ROBO1: variants seen among roughly 807,000 people sequenced by gnomAD.
ROBO1 encodes the protein roundabout guidance receptor 1.
A neutral mutation model predicts 195.9 loss-of-function variants in ROBO1; 149 were observed. That is an observed-to-expected ratio of 0.76 (90% CI 0.67 to 0.87). The LOEUF is 0.87. ROBO1 is among the 40% of genes least tolerant of loss of function. ROBO1 has a pLI of 0.00. For missense variants in ROBO1, 1,933 were observed against 2,068.3 expected (o/e 0.93, Z 1.27); for synonymous variants, 816 against 733.2 (o/e 1.11, Z -1.82).
At chr3:78,602,397 G>A (rs1030207435) in intron 29 of ROBO1, among the ~76,000 whole-genome samples, 7 of 152,138 alleles carry the variant, frequency 4.6e-5, no homozygotes, top group African/African-American at 1.7e-4. Context: ...CCAAGCGGAT[G>A]TCAACACCAT....
intron 1 of ROBO1, among the ~76,000 whole-genome samples, chr3:79,738,343 A>G (rs988382439): frequency 6.6e-6 from 1 of 152,182 alleles, no homozygotes; most frequent in Non-Finnish European, 1.5e-5. Context: ...CCAAAATAAA[A>G]TCTGAATTTT....
At chr3:79,602,477 A>C (rs1402420883) in intron 1 of ROBO1, among the ~76,000 whole-genome samples, 2 of 151,912 alleles carry the variant, frequency 1.3e-5, no homozygotes, top group Admixed American at 6.6e-5. Flanking sequence ...GGAGGATTCA[A>C]TTTTCAAAGA....
chr3:79,280,072 G>A (rs2031388340), intron 2 of ROBO1, among the ~76,000 whole-genome samples: 1 of 152,168 alleles, frequency 6.6e-6, no homozygotes, highest in African/African-American at 2.4e-5. Flanking sequence ...TATTGTAGAA[G>A]AGAGGATACC....
chr3:78,638,878 A>G (rs1705727614), intron 22 of ROBO1, among the ~76,000 whole-genome samples: 1 of 152,058 alleles, frequency 6.6e-6, no homozygotes, highest in African/African-American at 2.4e-5. Context: ...ATCTCAAAAA[A>G]CAACAAACAA....
At chr3:79,753,720 G>A (rs1273816566) in intron 1 of ROBO1, among the ~76,000 whole-genome samples, 1 of 152,114 alleles carries the variant, frequency 6.6e-6, no homozygotes, top group African/African-American at 2.4e-5. Context: ...GTAGAACCTG[G>A]GGAATACACA....
intron 2 of ROBO1, among the ~76,000 whole-genome samples, chr3:79,168,666 G>T (rs1006459640): frequency 2.6e-5 from 4 of 152,018 alleles, no homozygotes; most frequent in African/African-American, 7.3e-5. Flanking sequence ...AATATCTCTA[G>T]TCACTTCAAC....
At chr3:78,809,979 A>T (rs1271566817) in intron 4 of ROBO1, among the ~76,000 whole-genome samples, 2 of 141,534 alleles carry the variant, frequency 1.4e-5, no homozygotes, top group East Asian at 2.2e-4. Flanking sequence ...CCAGAACTTA[A>T]AGTATAGTAA....
chr3:79,490,084 G>A (rs561014650), intron 2 of ROBO1, among the ~76,000 whole-genome samples: 2 of 152,208 alleles, frequency 1.3e-5, no homozygotes, highest in Admixed American at 1.3e-4. Context: ...GTTATTTGTT[G>A]TCATATAAAT....
chr3:79,394,888 T>G (rs2037083414), intron 2 of ROBO1, among the ~76,000 whole-genome samples: 1 of 152,228 alleles, frequency 6.6e-6, no homozygotes, highest in Non-Finnish European at 1.5e-5. Context: ...ACAAATTCTA[T>G]TTTATTAGGG....
intron 2 of ROBO1, among the ~76,000 whole-genome samples, chr3:79,250,922 G>C (rs1317688927): frequency 1.3e-5 from 2 of 152,076 alleles, no homozygotes; most frequent in Non-Finnish European, 2.9e-5. Flanking sequence ...AGCTGTGGTG[G>C]CTCAAGCCTG....
chr3:78,988,691 A>G (rs1479803568), intron 3 of ROBO1, among the ~76,000 whole-genome samples: 2 of 152,182 alleles, frequency 1.3e-5, no homozygotes, highest in Admixed American at 6.5e-5. Context: ...TTGTTTTGTA[A>G]TTGTTACAAG....
intron 1 of ROBO1, among the ~76,000 whole-genome samples, chr3:79,694,468 G>C (rs906052938): frequency 3.3e-5 from 5 of 149,980 alleles, no homozygotes; most frequent in African/African-American, 5.0e-5. Context: ...CTCCACCTCA[G>C]TTTTTCTGTT....
chr3:79,383,037 T>C (rs914228630), intron 2 of ROBO1, among the ~76,000 whole-genome samples: 4 of 152,064 alleles, frequency 2.6e-5, no homozygotes, highest in African/African-American at 9.7e-5. Flanking sequence ...ATGATTCACA[T>C]TGAAAAAGAA....
intron 3 of ROBO1, among the ~76,000 whole-genome samples, chr3:78,956,518 A>G (rs960790038): frequency 5.3e-5 from 8 of 152,220 alleles, no homozygotes; most frequent in Non-Finnish European, 1.0e-4. Flanking sequence ...ATAATTAACC[A>G]TAACTGAAAT....
At chr3:79,615,375 C>G (rs80067820) in intron 1 of ROBO1, among the ~76,000 whole-genome samples, 131 of 152,248 alleles carry the variant, frequency 8.6e-4, no homozygotes, top group African/African-American at 3.0e-3. Context: ...TGAACCAATG[C>G]ACAACGTACA....
intron 1 of ROBO1, among the ~76,000 whole-genome samples, chr3:79,691,206 T>A (rs546748933): frequency 2.0e-5 from 3 of 151,814 alleles, no homozygotes; most frequent in Non-Finnish European, 2.9e-5. Flanking sequence ...AGCAGTGACA[T>A]TTCTAATGCC....
intron 4 of ROBO1, among the ~76,000 whole-genome samples, chr3:78,754,213 T>A (rs2082870587): frequency 6.6e-6 from 1 of 152,172 alleles, no homozygotes; most frequent in Non-Finnish European, 1.5e-5. Flanking sequence ...AGTATTGCTA[T>A]TAGTCACTAT....
At chr3:78,756,135 G>T (rs896654660) in intron 4 of ROBO1, among the ~76,000 whole-genome samples, 1 of 151,936 alleles carries the variant, frequency 6.6e-6, no homozygotes, top group African/African-American at 2.4e-5. Context: ...ATACAGACAC[G>T]TGACATACAT....
intron 4 of ROBO1, among the ~76,000 whole-genome samples, chr3:78,890,630 T>C (rs575752106): frequency 1.3e-5 from 2 of 152,362 alleles, no homozygotes; most frequent in East Asian, 3.9e-4. Flanking sequence ...AGACATACTT[T>C]GAACTTACTT....
Sources: allele counts gnomAD v4.1 joint callset (sites outside exome capture counted in the v4.1 genomes callset), GRCh38; gene constraint gnomAD v4.1.1; transcripts MANE v1.5; gene names NCBI Gene and HGNC (gene_info 2026-07-23, HGNC 2026-07-21).